Variants in DENND6A observed in about 807,000 individuals in gnomAD.
DENND6A encodes DENN domain containing 6A, also known as protein DENND6A.
Under a neutral mutation model 95.5 loss-of-function variants are expected in DENND6A, and 43 were observed. That is an observed-to-expected ratio of 0.45 (90% confidence interval 0.35 to 0.58). The LOEUF is 0.58. Among genes scored for constraint, DENND6A ranks in the 20% least tolerant of loss-of-function variants. DENND6A has a pLI of 0.00. For synonymous variants in DENND6A, 257 were observed against 260.4 expected (o/e 0.99, Z 0.13); for missense variants, 574 against 736.0 (o/e 0.78, Z 2.55).
At chr3:57,691,585 G>C (rs892520220) in intron 1 of DENND6A, among the ~76,000 whole-genome samples, 2 of 143,576 alleles carry the variant, frequency 1.4e-5, no homozygotes, top group African/African-American at 2.6e-5. Context: ...CAGTAGCTTC[G>C]CATTAAGAAA....
Position 57,672,302 on chromosome 3 carries a change from A to C in DENND6A, c.277-4T>G. ...ACAAATAGCAAATATTGGTTTTCTG[A>C]AAAAGAAAACAAAAGTGATGTATGC... On this transcript the variant is annotated splice_polypyrimidine_tract_variant and splice_region_variant and intron_variant, in intron 2 of 19. Transcript: ENST00000311128. 6.2e-7 allele frequency: 1 copy of C among 1,609,808 alleles called. No individual in the cohort carries two copies. Among genetic ancestry groups the C allele is most frequent in the Non-Finnish European group, 8.5e-7 (1 of 1,178,702 alleles).
chr3:57,650,748 G>A (rs1382575928), intron 9 of DENND6A, among the ~76,000 whole-genome samples: 1 of 151,804 alleles, frequency 6.6e-6, no homozygotes, highest in African/African-American at 2.4e-5. Context: ...GCATCAAAAG[G>A]TGAATGGATA....
intron 1 of DENND6A, among the ~76,000 whole-genome samples, chr3:57,679,109 A>AAAAAC (rs1184638163): frequency 6.6e-6 from 1 of 152,244 alleles, no homozygotes; most frequent in Non-Finnish European, 1.5e-5. Flanking sequence ...GTCTCAAAAC[A>AAAAAC]AAAACAAAAC....
intron 9 of DENND6A, among the ~76,000 whole-genome samples, chr3:57,655,120 G>A (rs1252074982): frequency 2.0e-5 from 3 of 151,244 alleles, no homozygotes; most frequent in East Asian, 1.9e-4. Flanking sequence ...TGCAACCTCC[G>A]TCTCCTGGGT....
chr3:57,676,495 G>T (rs1437905264), intron 1 of DENND6A, among the ~76,000 whole-genome samples: 1 of 151,510 alleles, frequency 6.6e-6, no homozygotes, highest in African/African-American at 2.4e-5. Flanking sequence ...ACACATGCCA[G>T]TGGAGATGTT....
chr3:57,687,338 C>G (rs1196965557), intron 1 of DENND6A, among the ~76,000 whole-genome samples: 1 of 152,180 alleles, frequency 6.6e-6, no homozygotes, highest in Non-Finnish European at 1.5e-5. Context: ...CAACTCTTTT[C>G]AATTCTGTTA....
At chr3:57,682,239 C>T (rs2077172401) in intron 1 of DENND6A, among the ~76,000 whole-genome samples, 1 of 138,898 alleles carries the variant, frequency 7.2e-6, no homozygotes, top group Non-Finnish European at 1.5e-5. Context: ...CAAGATTGCA[C>T]CATTGCACTC....
At chr3:57,669,949 G>A (rs2071587679) in intron 3 of DENND6A, among the ~76,000 whole-genome samples, 1 of 151,030 alleles carries the variant, frequency 6.6e-6, no homozygotes, top group South Asian at 2.1e-4. Context: ...TGAACTGGGA[G>A]GCGGAGGTTG....
At chr3:57,688,649 A>C (rs757127974) in intron 1 of DENND6A, among the ~76,000 whole-genome samples, 27 of 151,572 alleles carry the variant, frequency 1.8e-4, no homozygotes, top group Non-Finnish European at 1.5e-4. Context: ...CAGCTTCAGC[A>C]TGGAGAAAAG....
chr3:57,680,373 T>C (rs1017883846), intron 1 of DENND6A, among the ~76,000 whole-genome samples: 2 of 152,188 alleles, frequency 1.3e-5, no homozygotes, highest in African/African-American at 4.8e-5. Flanking sequence ...GGTGAAACCT[T>C]TGGGAGGCGA....
chr3:57,692,689 G>A (rs954162721), intron 1 of DENND6A, 93 bp downstream of exon 1: 945 of 1,181,190 alleles, frequency 8.0e-4, no homozygotes, highest in Non-Finnish European at 9.8e-4. Context: ...CCGCGGACAG[G>A]GTCCTGGCCG....
chr3:57,671,379 A>C (rs1274949469), intron 3 of DENND6A, among the ~76,000 whole-genome samples: 1 of 151,864 alleles, frequency 6.6e-6, no homozygotes, highest in Non-Finnish European at 1.5e-5. Context: ...AAAAACAAAA[A>C]ATTAGCCGGG....
At chr3:57,647,921 C>A (rs185891916) in intron 9 of DENND6A, among the ~76,000 whole-genome samples, 6 of 152,026 alleles carry the variant, frequency 3.9e-5, no homozygotes, top group African/African-American at 1.4e-4. Flanking sequence ...GGTATCCATG[C>A]AGAAGGGAAG....
At chr3:57,690,913 T>C (rs975893283) in intron 1 of DENND6A, among the ~76,000 whole-genome samples, 3 of 152,180 alleles carry the variant, frequency 2.0e-5, no homozygotes, top group African/African-American at 7.2e-5. Flanking sequence ...AGTGGAAAAT[T>C]CACAATGTTC....
rs1239457269 is a variant in DENND6A, at chr3:57,634,821, C to T, written c.1133-52G>A. On this transcript the variant is annotated intron_variant, in intron 12 of 19. Transcript: ENST00000311128. ...ATAATTATTCTAATCATACATATTA[C>T]AAAATTGGAACTTTATAAGATTTAT... 7 of 1,392,520 alleles carry T rather than the reference C, an allele frequency of 5.0e-6. No individual in the cohort carries two copies. In the East Asian group the frequency reaches 1.5e-4, roughly 30 times the overall value. 86.3% of individuals were successfully genotyped at this position (1,392,520 alleles called of 1,614,324 possible).
At chr3:57,636,362 T>C (rs4407380) in intron 12 of DENND6A, among the ~76,000 whole-genome samples, 58,765 of 152,114 alleles carry the variant, frequency 0.39, 12,687 homozygotes, top group South Asian at 0.56. Flanking sequence ...AAAAAAGCAG[T>C]ATCATGGATA....
rs1056588626 is a variant in DENND6A at position 57,627,030 on chromosome 3, G to A, written c.*1184C>T. Reference sequence around the variant, plus strand: ...AAACTCATGAATGCCTTTGAAATAAGAATAGTTCAGTTTAAAAAAATAGCT... The same window carrying A: ...AAACTCATGAATGCCTTTGAAATAAAAATAGTTCAGTTTAAAAAAATAGCT... On this transcript the variant is annotated 3_prime_UTR_variant, in exon 20 of 20. Coordinates refer to ENST00000311128, the MANE Select transcript of DENND6A (RefSeq NM_152678.3). The A allele has an allele frequency of 6.6e-6, 1 of 151,272 alleles. No homozygotes were observed. Among genetic ancestry groups the A allele is most frequent in the East Asian group, 1.9e-4 (1 of 5,200 alleles). The allele number at this position is 151,272 out of a possible 1,614,324, so 9.4% of individuals were successfully genotyped here.
At chr3:57,636,930 C>G (rs922141837) in intron 12 of DENND6A, among the ~76,000 whole-genome samples, 3 of 124,374 alleles carry the variant, frequency 2.4e-5, no homozygotes, top group African/African-American at 9.4e-5. Context: ...GAGCGAGACT[C>G]TGTCTCAAAA....
intron 8 of DENND6A, among the ~76,000 whole-genome samples, chr3:57,657,967 C>T (rs558358017): frequency 3.5e-4 from 54 of 152,138 alleles, no homozygotes; most frequent in African/African-American, 1.3e-3. Context: ...CCAGGCATGA[C>T]AGCTCATGCC....
Sources: allele counts gnomAD v4.1 joint callset (sites outside exome capture counted in the v4.1 genomes callset), GRCh38; gene constraint gnomAD v4.1.1; transcripts MANE v1.5; gene names NCBI Gene and HGNC (gene_info 2026-07-23, HGNC 2026-07-21).